The following ST6GALNAC3 variants were observed in gnomAD, a reference collection of about 807,000 sequenced individuals.
The protein encoded by ST6GALNAC3 is ST6 N-acetylgalactosaminide alpha-2,6-sialyltransferase 3.
Under a neutral mutation model 32.7 loss-of-function variants are expected in ST6GALNAC3, and 25 were observed. The observed-to-expected ratio is 0.76, with a 90% CI of 0.56 to 1.07. ST6GALNAC3 has a LOEUF of 1.07. ST6GALNAC3 is among the 50% of genes least tolerant of loss of function. The pLI is 0.00. For synonymous variants in ST6GALNAC3, 129 were observed against 133.1 expected (o/e 0.97, Z 0.21); for missense variants, 355 against 382.4 (o/e 0.93, Z 0.60).
In ST6GALNAC3 at chr1:76,393,920, CAA is replaced by C. The variant is rs145345494; in HGVS notation, c.214-18086_214-18085del. Among the ~76,000 whole-genome samples, 418 of 152,164 alleles carry C rather than the reference CAA, an allele frequency of 2.7e-3. 1 individual carries two copies. Among genetic ancestry groups the C allele is most frequent in the African/African-American group, 9.0e-3 (375 of 41,526 alleles). On this transcript the variant is annotated intron_variant, in intron 2 of 4. Transcript: ENST00000328299. Reference sequence around the variant, plus strand: ...TACTTTACTAAGAATTGGAGAGAAACAAAGAGTCTAGGGTATGTGGTTTGGAA... The same window carrying C: ...TACTTTACTAAGAATTGGAGAGAAACAGAGTCTAGGGTATGTGGTTTGGAA...
intron 2 of ST6GALNAC3, among the ~76,000 whole-genome samples, chr1:76,341,619 T>TTCTC (rs1187272517): frequency 1.7e-5 from 2 of 117,694 alleles, no homozygotes; most frequent in Non-Finnish European, 3.5e-5. Context: ...CTTTCTTTCT[T>TTCTC]TCTTTCTTTC....
chr1:76,093,350 C>T (rs1295475720), intron 1 of ST6GALNAC3, among the ~76,000 whole-genome samples: 1 of 152,196 alleles, frequency 6.6e-6, no homozygotes, highest in Non-Finnish European at 1.5e-5. Flanking sequence ...TTCTTTTTAA[C>T]TTTTCATGGA....
intron 1 of ST6GALNAC3, among the ~76,000 whole-genome samples, chr1:76,124,835 A>G (rs1649138159): frequency 2.0e-5 from 3 of 152,220 alleles, no homozygotes. Context: ...TATGGTAGCT[A>G]CTAGCTGTAT....
chr1:76,238,629 A>G (rs2100659149), intron 1 of ST6GALNAC3, among the ~76,000 whole-genome samples: 1 of 152,292 alleles, frequency 6.6e-6, no homozygotes, highest in South Asian at 2.1e-4. Flanking sequence ...GGCAGAGAGC[A>G]GTGAGAGTTC....
At chr1:76,080,972 G>A (rs1646886284) in intron 1 of ST6GALNAC3, among the ~76,000 whole-genome samples, 1 of 152,156 alleles carries the variant, frequency 6.6e-6, no homozygotes, top group African/African-American at 2.4e-5. Context: ...GAGTGGCTTG[G>A]GTAAAAGTAG....
At chr1:76,153,253 A>G (rs1557657632) in intron 1 of ST6GALNAC3, among the ~76,000 whole-genome samples, 1 of 152,032 alleles carries the variant, frequency 6.6e-6, no homozygotes, top group East Asian at 1.9e-4. Flanking sequence ...GCTATTGCCT[A>G]TTTGCATACC....
intron 3 of ST6GALNAC3, among the ~76,000 whole-genome samples, chr1:76,487,864 A>G (rs576330505): frequency 2.8e-4 from 43 of 151,976 alleles, no homozygotes; most frequent in African/African-American, 1.0e-3. Flanking sequence ...GGTTTTGTCT[A>G]CCTTGGTCTT....
At chr1:76,432,191 T>C (rs1655804198) in intron 3 of ST6GALNAC3, among the ~76,000 whole-genome samples, 1 of 152,170 alleles carries the variant, frequency 6.6e-6, no homozygotes, top group Non-Finnish European at 1.5e-5. Flanking sequence ...CATGGCTTGA[T>C]AGCTCATTTG....
chr1:76,341,604 C>CTT (rs1336813033), intron 2 of ST6GALNAC3, among the ~76,000 whole-genome samples: 10 of 121,394 alleles, frequency 8.2e-5, no homozygotes, highest in African/African-American at 3.1e-4. Flanking sequence ...CTCCAAACTG[C>CTT]TTTTCTTTCT....
rs35632611 is a variant in ST6GALNAC3 at position 76,494,649 on chromosome 1, G to GCACACACACACACACACA, written c.623+82246_623+82263dup. The stretch of plus-strand genomic sequence containing the variant: ...ATAAAAATATATTTCATGTGTATGC[G>GCACACACACACACACACA]CACACACACACACACACACACACAC... On this transcript the variant is annotated intron_variant, in intron 3 of 4. Coordinates refer to ENST00000328299, the MANE Select transcript of ST6GALNAC3 (RefSeq NM_152996.4). 1.6e-4 allele frequency among the ~76,000 whole-genome samples: 11 copies of GCACACACACACACACACA among 67,702 alleles called. 2 individuals carry two copies. The highest frequency in any genetic ancestry group is 7.1e-4 in the African/African-American group (11 of 15,434). The allele number at this position is 67,702 out of a possible 152,430, so 44.4% of individuals were successfully genotyped here. A position where few individuals can be genotyped will look rare whatever the true frequency, so the allele number is the denominator to read the frequency against.
intron 1 of ST6GALNAC3, among the ~76,000 whole-genome samples, chr1:76,297,005 C>T (rs1660442269): frequency 6.6e-6 from 1 of 151,956 alleles, no homozygotes. Flanking sequence ...TGAAGAAAAT[C>T]ATCATGTGTA....
chr1:76,273,949 T>C (rs1658996041), intron 1 of ST6GALNAC3, among the ~76,000 whole-genome samples: 1 of 152,226 alleles, frequency 6.6e-6, no homozygotes. Flanking sequence ...TGGTAACATG[T>C]TTTATGGCCC....
chr1:76,538,713 T>G (rs1346647637), intron 3 of ST6GALNAC3, among the ~76,000 whole-genome samples: 2 of 151,984 alleles, frequency 1.3e-5, no homozygotes, highest in Non-Finnish European at 2.9e-5. Context: ...ATGCATTCCT[T>G]ACACCAACAG....
chr1:76,503,481 T>C (rs571866605), intron 3 of ST6GALNAC3, among the ~76,000 whole-genome samples: 1 of 152,372 alleles, frequency 6.6e-6, no homozygotes, highest in African/African-American at 2.4e-5. Flanking sequence ...GAGGTGTTAC[T>C]GACTGGTAAT....
In ST6GALNAC3 at chr1:76,422,382, A is replaced by T. The variant is rs548516732; in HGVS notation, c.623+9965A>T. ...TTTTACAAAAAGGTGCTAGTATTGA[A>T]GCTGTCTTATCCAAGAGATCATCAT... is the stretch of plus-strand genomic sequence containing the variant. On this transcript the variant is annotated intron_variant, in intron 3 of 4. Coordinates refer to ENST00000328299, the MANE Select transcript of ST6GALNAC3 (RefSeq NM_152996.4). 1.2e-4 allele frequency among the ~76,000 whole-genome samples: 19 copies of T among 152,146 alleles called. No individual in the cohort carries two copies. In the East Asian group the frequency reaches 3.7e-3, roughly 29 times the overall value.
rs191124986 is a variant in ST6GALNAC3 at position 76,217,137 on chromosome 1, C to T, written c.19-96668C>T. On this transcript the variant is annotated intron_variant, in intron 1 of 4. Coordinates refer to ENST00000328299, the MANE Select transcript of ST6GALNAC3 (RefSeq NM_152996.4). The stretch of plus-strand genomic sequence containing the variant: ...CATAATAGTACCCTCTAACTCCCTG[C>T]GAAAAACTTAAACCTCTTTCTACTT... Among the ~76,000 whole-genome samples, 369 of 152,260 alleles carry T rather than the reference C, an allele frequency of 2.4e-3. 1 individual carries two copies. The highest frequency in any genetic ancestry group is 6.0e-3 in the African/African-American group (251 of 41,546).
intron 1 of ST6GALNAC3, among the ~76,000 whole-genome samples, chr1:76,299,854 T>C (rs1490419713): frequency 6.6e-6 from 1 of 152,100 alleles, no homozygotes; most frequent in Non-Finnish European, 1.5e-5. Flanking sequence ...ACAGATTTTT[T>C]CCCTTTATTT....
rs1648325879 is a variant in ST6GALNAC3, at chr1:76,616,830, TC to T, written c.624-10620del. ...AATATTCCCCTCCAAGTAGTTTATT[TC>T]CGGAAGTATTAAGCCAAAGTCAGAA... On this transcript the variant is annotated intron_variant, in intron 3 of 4. Coordinates refer to ENST00000328299, the MANE Select transcript of ST6GALNAC3 (RefSeq NM_152996.4). 5.3e-5 allele frequency among the ~76,000 whole-genome samples: 8 copies of T among 152,336 alleles called. No homozygotes were observed. The South Asian group carries it at 1.7e-3, about 32-fold the overall frequency.
chr1:76,568,957 T>A (rs1665708208), intron 3 of ST6GALNAC3, among the ~76,000 whole-genome samples: 1 of 152,134 alleles, frequency 6.6e-6, no homozygotes. Flanking sequence ...ATAAATGTGG[T>A]TAAACTGCCC....
Sources: allele counts gnomAD v4.1 joint callset (sites outside exome capture counted in the v4.1 genomes callset), GRCh38; gene constraint gnomAD v4.1.1; transcripts MANE v1.5; gene names NCBI Gene and HGNC (gene_info 2026-07-23, HGNC 2026-07-21).